The following PDE10A variants were observed in gnomAD, a reference collection of about 807,000 sequenced individuals.
The protein encoded by PDE10A is cAMP and cAMP-inhibited cGMP 3',5'-cyclic phosphodiesterase 10A.
A neutral mutation model predicts 97.7 loss-of-function variants in PDE10A; 39 were observed. That is an observed-to-expected ratio of 0.40 (90% CI 0.31 to 0.52). The LOEUF is 0.52. Ranked by LOEUF, PDE10A falls within the 20% of genes least tolerant of loss-of-function variation. The pLI, the probability that PDE10A is intolerant of heterozygous loss-of-function variation, is 0.56. For missense variants in PDE10A, 731 were observed against 1,047.8 expected, an observed-to-expected ratio of 0.70 and a Z score of 4.17; for synonymous variants, 371 against 376.8, an observed-to-expected ratio of 0.98 and a Z score of 0.18.
intron 2 of PDE10A, among the ~76,000 whole-genome samples, chr6:165,521,246 G>A (rs548985021): frequency 6.6e-6 from 1 of 152,230 alleles, no homozygotes; most frequent in African/African-American, 2.4e-5. Flanking sequence ...CCAACTGGCT[G>A]TTCCCCGATC....
chr6:165,786,475 G>A (rs973307794), intron 1 of PDE10A, among the ~76,000 whole-genome samples: 20 of 152,334 alleles, frequency 1.3e-4, no homozygotes, highest in African/African-American at 4.8e-4. Context: ...TAATTTAAAT[G>A]TACCTGTGAG....
chr6:165,912,242 T>C (rs1339977556), intron 1 of PDE10A, among the ~76,000 whole-genome samples: 2 of 152,116 alleles, frequency 1.3e-5, no homozygotes, highest in African/African-American at 2.4e-5. Context: ...CACACGTATA[T>C]GTATACATAC....
intron 1 of PDE10A, chr6:165,910,672 C>T (rs1326748811): frequency 6.6e-6 from 1 of 152,058 alleles, no homozygotes; most frequent in East Asian, 1.9e-4. Context: ...CCTCAATATA[C>T]TATAAAATCC....
intron 5 of PDE10A, among the ~76,000 whole-genome samples, chr6:165,445,885 T>C (rs192043943): frequency 0.034 from 4,703 of 136,824 alleles, 142 homozygotes; most frequent in East Asian, 0.18. Context: ...AGAATAGAAT[T>C]CACAGTTAGA....
Position 165,819,683 on chromosome 6 carries a change from G to A in PDE10A, c.-615+167846C>T. On this transcript the variant is annotated intron_variant, in intron 1 of 19. Transcript: ENST00000366882. This position sits in a 1 kb window ranked among gnomAD's most constrained non-coding sequence, Gnocchi z 4.2. ...CCTTTGCCAAGGCTGTCAGTGTGCT[G>A]GATTTCACTGACTGTGCACCACGTA... 6.6e-6 allele frequency among the ~76,000 whole-genome samples: 1 copy of A among 152,152 alleles called. No homozygotes were observed. Among genetic ancestry groups the A allele is most frequent in the East Asian group, 1.9e-4 (1 of 5,186 alleles).
chr6:165,358,900 T>TA lies in PDE10A; in HGVS notation c.2784-15399dup, dbSNP rs761706868. ...GTAAAAAGAGCAAATCTCTTTTTTT[T>TA]ACTCTTTTTACAGTTTCCCTGGGGA... On this transcript the variant is annotated intron_variant, in intron 18 of 21. Coordinates refer to ENST00000539869, the MANE Select transcript of PDE10A (RefSeq NM_001385079.1). Among the ~76,000 whole-genome samples the TA allele has an allele frequency of 6.6e-5, 10 of 151,278 alleles. No individual in the cohort carries two copies. The East Asian group carries it at 2.0e-3, about 30-fold the overall frequency.
intron 1 of PDE10A, among the ~76,000 whole-genome samples, chr6:165,790,068 G>A (rs567478324): frequency 2.6e-5 from 4 of 152,100 alleles, no homozygotes; most frequent in African/African-American, 9.6e-5. Flanking sequence ...TAATTTCCAG[G>A]GTCGCTATGT....
intron 1 of PDE10A, among the ~76,000 whole-genome samples, chr6:165,930,747 T>G (rs1050603931): frequency 2.6e-5 from 4 of 152,174 alleles, no homozygotes; most frequent in Admixed American, 6.5e-5. Context: ...ACATTTCAAG[T>G]GAAAAATCCT....
chr6:165,376,742 C>G (rs1324015064), intron 18 of PDE10A, among the ~76,000 whole-genome samples: 1 of 152,118 alleles, frequency 6.6e-6, no homozygotes, highest in Admixed American at 6.5e-5. Context: ...CAGCAATTCC[C>G]TATCTCTAAA....
chr6:165,484,570 G>A (rs541977465), intron 2 of PDE10A, among the ~76,000 whole-genome samples: 4 of 152,314 alleles, frequency 2.6e-5, no homozygotes, highest in African/African-American at 7.2e-5. Flanking sequence ...TGATGCTAGC[G>A]CTGGGGAGTG....
chr6:165,906,046 T>C (rs1221048055), intron 1 of PDE10A, among the ~76,000 whole-genome samples: 39 of 656 alleles, frequency 0.059, 2 homozygotes, highest in Non-Finnish European at 0.058. Flanking sequence ...CCTTCCTTCC[T>C]TCCCTCCCTC....
intron 1 of PDE10A, among the ~76,000 whole-genome samples, chr6:165,963,175 C>T (rs1412471947): frequency 6.6e-6 from 1 of 152,184 alleles, no homozygotes; most frequent in African/African-American, 2.4e-5. Context: ...TCCCCCCACA[C>T]CCTAATATAT....
rs569852524 is a variant in PDE10A, at chr6:165,855,061, C to T, written c.-615+132468G>A. Among the ~76,000 whole-genome samples, 61 of 152,056 alleles carry T rather than the reference C, an allele frequency of 4.0e-4. No individual in the cohort carries two copies. In the South Asian group the frequency reaches 4.8e-3, roughly 12 times the overall value. ...TGAATGAATGAAGAGGGAAGGAGGA[C>T]GGGCCAGCCCTGGACACCCAGTAGG... On this transcript the variant is annotated intron_variant, in intron 1 of 19. Transcript: ENST00000366882.
At chr6:165,485,312 CA>C (rs1351231369) in intron 2 of PDE10A, among the ~76,000 whole-genome samples, 3 of 151,576 alleles carry the variant, frequency 2.0e-5, no homozygotes, top group Non-Finnish European at 4.4e-5. Context: ...ACTAAAAATA[CA>C]AAAAATTAGC....
At chr6:165,560,535 A>C (rs1405290006) in intron 1 of PDE10A, among the ~76,000 whole-genome samples, 2 of 152,244 alleles carry the variant, frequency 1.3e-5, no homozygotes, top group Admixed American at 1.3e-4. Context: ...GGTTTAAGTC[A>C]CTAAATTTGT....
chr6:165,971,622 G>T (rs570106441), intron 1 of PDE10A, among the ~76,000 whole-genome samples: 1 of 152,104 alleles, frequency 6.6e-6, no homozygotes, highest in South Asian at 2.1e-4. Context: ...CAAGTTTTAC[G>T]TATGTATTTT....
intron 5 of PDE10A, 68 bp downstream of exon 5, chr6:165,448,860 T>A: frequency 1.0e-6 from 1 of 955,748 alleles, no homozygotes; most frequent in Non-Finnish European, 1.6e-6. Context: ...CGGTTGTTTA[T>A]AACTTTTTTA....
intron 3 of PDE10A, among the ~76,000 whole-genome samples, chr6:165,461,239 CA>C (rs565198447): frequency 3.3e-5 from 5 of 152,146 alleles, no homozygotes; most frequent in Admixed American, 2.0e-4. Context: ...GCTACAATTC[CA>C]AAAAATTGGC....
At chr6:165,780,662 T>C (rs1778317638) in intron 1 of PDE10A, 1 of 152,258 alleles carries the variant, frequency 6.6e-6, no homozygotes, top group Non-Finnish European at 1.5e-5. Flanking sequence ...GCACTTTTTC[T>C]AATTGTCAAG....
Sources: gnomAD v4.1 joint callset for allele counts (sites outside exome capture counted in the v4.1 genomes callset) on GRCh38, gnomAD v4.1.1 for gene constraint, Gnocchi (gnomAD v3.1) non-coding constraint, MANE v1.5 for transcripts, NCBI Gene and HGNC (gene_info 2026-07-23, HGNC 2026-07-21) for gene names.